Variants in SHB observed in about 807,000 individuals in gnomAD.
The protein encoded by SHB is SH2 domain containing adaptor protein B, also known as SH2 domain-containing adapter protein B.
Under a neutral mutation model 52.3 loss-of-function variants are expected in SHB, and 20 were observed. The observed-to-expected ratio is 0.38, with a 90% CI of 0.27 to 0.56. SHB has a LOEUF of 0.56. Ranked by LOEUF, SHB falls within the 20% of genes least tolerant of loss-of-function variation. The pLI is 0.71. For synonymous variants in SHB, 397 were observed against 316.5 expected (o/e 1.25, Z -2.70); for missense variants, 825 against 723.3 (o/e 1.14, Z -1.61).
rs1051025910 is a variant in SHB, at chr9:37,919,486, T to TCCCGCCCCACCCTAC, written c.*320_*334dup. 5.5e-6 allele frequency: 1 copy of TCCCGCCCCACCCTAC among 183,222 alleles called. No individual in the cohort carries two copies. The highest frequency in any genetic ancestry group is 1.1e-5 in the Non-Finnish European group (1 of 87,646). 11.3% of individuals were successfully genotyped at this position (183,222 alleles called of 1,614,324 possible). On this transcript the variant is annotated 3_prime_UTR_variant, in exon 6 of 6. Transcript: ENST00000377707. ...AACAAAGAGATGTCAGCCAGGGAGC[T>TCCCGCCCCACCCTAC]CCCGCCCCACCCTACCCCGCCCCTC...
At chr9:37,967,378 G>A (rs548119717) in intron 3 of SHB, among the ~76,000 whole-genome samples, 19 of 152,182 alleles carry the variant, frequency 1.2e-4, no homozygotes, top group Non-Finnish European at 2.2e-4. Context: ...CTTTGAAGGT[G>A]TCAAAACTCA....
At chr9:37,967,026 G>T (rs1422175401) in intron 3 of SHB, among the ~76,000 whole-genome samples, 1 of 152,224 alleles carries the variant, frequency 6.6e-6, no homozygotes, top group East Asian at 1.9e-4. Flanking sequence ...TATCAAGGCA[G>T]CAGTGGAGAG....
intron 2 of SHB, among the ~76,000 whole-genome samples, chr9:38,010,086 T>C (rs1180808825): frequency 6.6e-6 from 1 of 152,176 alleles, no homozygotes; most frequent in Non-Finnish European, 1.5e-5. Flanking sequence ...ACAGGACAGA[T>C]GAGAGAGTGT....
chr9:37,919,987 A>C lies in SHB; in HGVS notation c.1364T>G (p.Met455Arg). ...SLSLRSNQGF[M>R]HMKLAKTKEK... ...TTTGGTTTTGGCCAGTTTCATGTGC[A>C]TAAAACCCTGGTTGCTCCTGTGAAC... The change falls in exon 6 of 6, where the codon ATG (methionine) becomes AGG (arginine). Residue 455 changes from methionine to arginine, a missense_variant. Coordinates refer to ENST00000377707, the MANE Select transcript of SHB (RefSeq NM_003028.3). 6.2e-7 allele frequency: 1 copy of C among 1,614,058 alleles called. No homozygotes were observed.
intron 3 of SHB, among the ~76,000 whole-genome samples, chr9:37,960,151 T>C (rs956723054): frequency 1.3e-5 from 2 of 152,184 alleles, no homozygotes; most frequent in Non-Finnish European, 2.9e-5. Context: ...CAGGCTTAAT[T>C]AGGCAAATCA....
At chr9:37,926,677 GAT>G (rs1832254675) in intron 5 of SHB, among the ~76,000 whole-genome samples, 1 of 152,242 alleles carries the variant, frequency 6.6e-6, no homozygotes, top group Admixed American at 6.5e-5. Context: ...AGGCGGTAGA[GAT>G]CTCTGAAGAG....
At chr9:38,027,231 G>C (rs182596278) in intron 1 of SHB, among the ~76,000 whole-genome samples, 1 of 152,178 alleles carries the variant, frequency 6.6e-6, no homozygotes, top group Non-Finnish European at 1.5e-5. Flanking sequence ...GGTGGATTCC[G>C]GGCCCTGAGC....
chr9:37,960,484 C>G (rs965220126), intron 3 of SHB, among the ~76,000 whole-genome samples: 1 of 152,194 alleles, frequency 6.6e-6, no homozygotes, highest in African/African-American at 2.4e-5. Flanking sequence ...AAGTAAGACT[C>G]AGAGCTGTGC....
intron 1 of SHB, among the ~76,000 whole-genome samples, chr9:38,019,009 T>A (rs79621677): frequency 0.012 from 1,789 of 152,364 alleles, 33 homozygotes; most frequent in African/African-American, 0.041. Context: ...ATTGAACAAT[T>A]CAACCAAAAG....
At chr9:37,951,836 C>G (rs1457140129) in intron 4 of SHB, among the ~76,000 whole-genome samples, 2 of 152,252 alleles carry the variant, frequency 1.3e-5, no homozygotes, top group Non-Finnish European at 2.9e-5. Flanking sequence ...GGGGGCCGGG[C>G]CGGCACTGGC....
intron 2 of SHB, among the ~76,000 whole-genome samples, chr9:37,990,014 C>T (rs1820863387): frequency 6.6e-6 from 1 of 152,086 alleles, no homozygotes; most frequent in African/African-American, 2.4e-5. Flanking sequence ...CGAGAATAGC[C>T]CCTGCTCAGG....
In SHB at chr9:37,916,333, C is replaced by T. The variant is rs145584890; in HGVS notation, c.*3488G>A. Among the ~76,000 whole-genome samples, 73 of 152,384 alleles carry T rather than the reference C, an allele frequency of 4.8e-4. No homozygotes were observed. Among genetic ancestry groups the T allele is most frequent in the African/African-American group, 1.7e-3 (72 of 41,602 alleles). On this transcript the variant is annotated 3_prime_UTR_variant, in exon 6 of 6. Coordinates refer to ENST00000377707, the MANE Select transcript of SHB (RefSeq NM_003028.3). ...CCAGCCTGCTCTGCTGGCAGGGCTTCTACCTGCACAGTCCCTAGGGCTGCA... is the reference window on the plus strand; with the variant it reads ...CCAGCCTGCTCTGCTGGCAGGGCTTTTACCTGCACAGTCCCTAGGGCTGCA...
intron 5 of SHB, among the ~76,000 whole-genome samples, chr9:37,931,024 T>A (rs925684616): frequency 2.0e-5 from 3 of 152,082 alleles, no homozygotes; most frequent in African/African-American, 7.2e-5. Context: ...GAAAAGATAA[T>A]CCCTTCAATA....
chr9:37,969,316 C>A (rs1820566516), intron 3 of SHB, among the ~76,000 whole-genome samples: 1 of 152,114 alleles, frequency 6.6e-6, no homozygotes, highest in Non-Finnish European at 1.5e-5. Flanking sequence ...GGGCTGGGCC[C>A]CCAGCCAAGT....
chr9:37,922,405 C>G (rs1053896154), intron 5 of SHB, among the ~76,000 whole-genome samples: 2 of 152,198 alleles, frequency 1.3e-5, no homozygotes, highest in African/African-American at 2.4e-5. Flanking sequence ...GAATGGCCAC[C>G]AAGTACTAAA....
chr9:37,982,430 T>G (rs983827989), intron 2 of SHB, among the ~76,000 whole-genome samples: 8 of 151,518 alleles, frequency 5.3e-5, no homozygotes, highest in Non-Finnish European at 5.9e-5. Flanking sequence ...GGGGCGGAGG[T>G]TGCAGTGAGC....
At chr9:38,066,253 T>C (rs868405353) in intron 1 of SHB, among the ~76,000 whole-genome samples, 1 of 152,218 alleles carries the variant, frequency 6.6e-6, no homozygotes, top group Middle Eastern at 3.2e-3. Context: ...TTTGAACCAC[T>C]AGCAGTGGAA....
chr9:38,065,216 C>T (rs1371857206), intron 1 of SHB, among the ~76,000 whole-genome samples: 1 of 152,160 alleles, frequency 6.6e-6, no homozygotes, highest in Non-Finnish European at 1.5e-5. Context: ...AGCTGTCTGG[C>T]TGGAAATAAT....
chr9:38,039,334 G>C (rs1821537997), intron 1 of SHB, among the ~76,000 whole-genome samples: 1 of 152,250 alleles, frequency 6.6e-6, no homozygotes, highest in South Asian at 2.1e-4. Flanking sequence ...CATTTTGAAT[G>C]ATAAGCACAA....
Sources: allele counts gnomAD v4.1 joint callset (sites outside exome capture counted in the v4.1 genomes callset), GRCh38; gene constraint gnomAD v4.1.1; transcripts MANE v1.5; gene names NCBI Gene and HGNC (gene_info 2026-07-23, HGNC 2026-07-21).